Variants in ZNF592 observed in about 807,000 individuals in gnomAD.
ZNF592 encodes the protein spinocerebellar ataxia, autosomal recessive 5.
ZNF592 carries 11 observed loss-of-function variants against 80.3 expected under a neutral mutation model. The observed-to-expected ratio is 0.14, with a 90% CI of 0.09 to 0.23. The LOEUF is 0.23. ZNF592 is among the 10% of genes least tolerant of loss of function. The probability of loss-of-function intolerance (pLI) is 1.00; values close to 1 mark genes in which losing one functional copy is unlikely to be tolerated. For synonymous variants in ZNF592, 646 were observed against 640.3 expected (o/e 1.01, Z -0.13); for missense variants, 1,420 against 1,633.9 (o/e 0.87, Z 2.26).
intron 5 of ZNF592, among the ~76,000 whole-genome samples, chr15:84,796,051 G>T (rs112165253): frequency 6.6e-6 from 1 of 150,856 alleles, no homozygotes; most frequent in Admixed American, 6.6e-5. Flanking sequence ...GTGAAACCCC[G>T]TCTCTACTAA....
At chr15:84,787,926 T>C (rs1289801925) in intron 4 of ZNF592, among the ~76,000 whole-genome samples, 1 of 152,210 alleles carries the variant, frequency 6.6e-6, no homozygotes, top group Non-Finnish European at 1.5e-5. Context: ...TGCCATTGAC[T>C]TGTTGAAGAA....
At chr15:84,766,662 A>C (rs1899530899) in intron 2 of ZNF592, among the ~76,000 whole-genome samples, 1 of 149,894 alleles carries the variant, frequency 6.7e-6, no homozygotes, top group South Asian at 2.1e-4. Context: ...AGGGAGAGAA[A>C]GTGTACCGTG....
intron 1 of ZNF592, among the ~76,000 whole-genome samples, chr15:84,761,399 G>T (rs998763277): frequency 6.6e-6 from 1 of 152,112 alleles, no homozygotes. Flanking sequence ...CCAGGGGGTC[G>T]GCAGACATGG....
intron 4 of ZNF592, among the ~76,000 whole-genome samples, chr15:84,790,470 A>G: frequency 6.6e-6 from 1 of 152,198 alleles, no homozygotes; most frequent in Admixed American, 6.5e-5. Flanking sequence ...CTTTGAGAGA[A>G]TAGGGTCAGG....
chr15:84,753,886 AC>A (rs1023729454), intron 1 of ZNF592, among the ~76,000 whole-genome samples: 1 of 152,174 alleles, frequency 6.6e-6, no homozygotes, highest in African/African-American at 2.4e-5. Flanking sequence ...AATTGCATGT[AC>A]CCAAAATCTG....
At chr15:84,752,243 G>C (rs1899035579) in intron 1 of ZNF592, among the ~76,000 whole-genome samples, 1 of 152,088 alleles carries the variant, frequency 6.6e-6, no homozygotes, top group Non-Finnish European at 1.5e-5. Flanking sequence ...TCAACATCAA[G>C]CTCCCATTTC....
At chr15:84,774,428 A>C (rs1270621517) in intron 2 of ZNF592, among the ~76,000 whole-genome samples, 1 of 152,228 alleles carries the variant, frequency 6.6e-6, no homozygotes, top group African/African-American at 2.4e-5. Context: ...CTTATTCAGC[A>C]GTGGTGTGTC....
At chr15:84,781,693 C>T (rs1962425547) in intron 3 of ZNF592, among the ~76,000 whole-genome samples, 1 of 152,152 alleles carries the variant, frequency 6.6e-6, no homozygotes, top group Admixed American at 6.5e-5. Flanking sequence ...GAAGCAGATG[C>T]AGGACTTAAA....
chr15:84,805,454 GA>G lies in ZNF592; in HGVS notation c.*3062del. On this transcript the variant is annotated 3_prime_UTR_variant, in exon 11 of 11. Transcript: ENST00000560079. The stretch of plus-strand genomic sequence containing the variant: ...TCTACTGATCAAGTTAAACAGATAA[GA>G]TCCCTTCCCTTGTAGAAACTACAAC... 6.6e-6 allele frequency: 1 copy of G among 152,588 alleles called. No homozygotes were observed. Among genetic ancestry groups the G allele is most frequent in the East Asian group, 1.9e-4 (1 of 5,206 alleles). 9.5% of individuals were successfully genotyped at this position (152,588 alleles called of 1,614,324 possible). A position where few individuals can be genotyped will look rare whatever the true frequency, so the allele number is the denominator to read the frequency against.
In ZNF592 at chr15:84,784,607, C is replaced by T. The variant is rs769442100; in HGVS notation, c.1932C>T (p.Leu644=). ...CCCGTGACCACAAGAGCAAGGGGCT[C>T]GTCATGCAGTGTTCCCAGCTGCTGG... is the stretch of plus-strand genomic sequence containing the variant. ...RHARDHKSKG[L]VMQCSQLLVK... is the part of the protein sequence containing the mutation. The change falls in exon 4 of 11, where the codon CTC becomes CTT. Residue 644 remains leucine (L), a synonymous_variant. Transcript: ENST00000560079. This position sits in a 1 kb window ranked among gnomAD's most constrained non-coding sequence, Gnocchi z 5.8. The T allele has an allele frequency of 2.8e-5, 45 of 1,614,074 alleles. No homozygotes were observed. Among genetic ancestry groups the T allele is most frequent in the Admixed American group, 1.3e-4 (8 of 60,010 alleles).
chr15:84,766,511 G>A (rs1280963229), intron 2 of ZNF592, among the ~76,000 whole-genome samples: 3 of 152,048 alleles, frequency 2.0e-5, no homozygotes, highest in Non-Finnish European at 4.4e-5. Context: ...GAGCAGTCAT[G>A]GTGAAAGAGC....
rs1164869494 is a variant in ZNF592, at chr15:84,798,647, C to T, written c.2796C>T (p.Asp932=). 1.9e-6 allele frequency: 3 copies of T among 1,613,902 alleles called. No homozygotes were observed. In the African/African-American group the frequency reaches 4.0e-5, roughly 22 times the overall value. ...TGTCAAGCCTCCAGTCTTCAGCGGA[C>T]ACATCCTCAAGCCGCCCTGGCTCTC... is the stretch of plus-strand genomic sequence containing the variant. ...DELSSLQSSA[D]TSSSRPGSRV... The change falls in exon 8 of 11, where the codon GAC becomes GAT. Residue 932 remains aspartate, a synonymous_variant. Transcript: ENST00000560079. This position sits in a 1 kb window ranked among gnomAD's most constrained non-coding sequence, Gnocchi z 4.5.
intron 10 of ZNF592, among the ~76,000 whole-genome samples, chr15:84,800,816 T>A (rs1168253974): frequency 2.6e-5 from 4 of 152,200 alleles, no homozygotes; most frequent in African/African-American, 9.6e-5. Context: ...CATAAAGAAG[T>A]CTGCTAAAGG....
intron 1 of ZNF592, among the ~76,000 whole-genome samples, chr15:84,753,696 C>A (rs1275659100): frequency 6.6e-6 from 1 of 152,226 alleles, no homozygotes. Context: ...TGGTCTTGAA[C>A]TCCTGACCTC....
At chr15:84,759,964 C>CG (rs775962231) in intron 1 of ZNF592, among the ~76,000 whole-genome samples, 2 of 42,782 alleles carry the variant, frequency 4.7e-5, no homozygotes. Flanking sequence ...TCCCCCCCCC[C>CG]CCACCCTGCC....
At chr15:84,755,374 C>T (rs1167426556) in intron 1 of ZNF592, among the ~76,000 whole-genome samples, 2 of 151,940 alleles carry the variant, frequency 1.3e-5, no homozygotes, top group East Asian at 3.9e-4. Flanking sequence ...TCAAGCAATC[C>T]TCCTGCCTTA....
At chr15:84,786,341 G>A (rs765423283) in intron 4 of ZNF592, among the ~76,000 whole-genome samples, 3 of 152,226 alleles carry the variant, frequency 2.0e-5, no homozygotes, top group African/African-American at 4.8e-5. Flanking sequence ...GACTCCATGC[G>A]TAAGGAAGAT....
chr15:84,790,867 C>G lies in ZNF592; in HGVS notation c.2383C>G (p.Arg795Gly). ...HVKENCLHYA[R>G]KVGYRCIHCG... ...AAAGGAGAATTGCCTGCACTATGCC[C>G]GCAAGGTGGGCTACAGGTGGGTGCT... The change falls in exon 5 of 11, where the codon CGC (arginine) becomes GGC (glycine). Residue 795 changes from arginine (R) to glycine (G), a missense_variant. By Grantham distance (125) the Arg-to-Gly change is moderately radical. Coordinates refer to ENST00000560079, the MANE Select transcript of ZNF592 (RefSeq NM_014630.3). 6.2e-7 allele frequency: 1 copy of G among 1,614,212 alleles called. No individual in the cohort carries two copies. The highest frequency in any genetic ancestry group is 8.5e-7 in the Non-Finnish European group (1 of 1,180,044).
chr15:84,802,469 A>G lies in ZNF592; in HGVS notation c.*76A>G, dbSNP rs180682953. The G allele has an allele frequency of 1.4e-4, 217 of 1,541,336 alleles. No homozygotes were observed. In the African/African-American group the frequency reaches 2.6e-3, roughly 18 times the overall value. ...ACCTGCCCTGCGGACCGTGGAAAAT[A>G]AAAGGCTCTGCCCCCAGTGTGAGTG... is the stretch of plus-strand genomic sequence containing the variant. On this transcript the variant is annotated 3_prime_UTR_variant, in exon 11 of 11. Coordinates refer to ENST00000560079, the MANE Select transcript of ZNF592 (RefSeq NM_014630.3).
Sources: allele counts gnomAD v4.1 joint callset (sites outside exome capture counted in the v4.1 genomes callset), GRCh38; gene constraint gnomAD v4.1.1; non-coding constraint Gnocchi (gnomAD v3.1); transcripts MANE v1.5; gene names NCBI Gene and HGNC (gene_info 2026-07-23, HGNC 2026-07-21).